The following MEI4 variants were observed in gnomAD, a reference collection of about 807,000 sequenced individuals.
MEI4 encodes the protein meiosis-specific protein MEI4.
Under a neutral mutation model 31.4 loss-of-function variants are expected in MEI4, and 27 were observed. The ratio of observed to expected loss-of-function variants is 0.86; its 90% CI spans 0.63 to 1.19. The LOEUF is 1.19. MEI4 is among the 50% of genes most tolerant of loss of function. The pLI is 0.00. For missense variants in MEI4, 329 were observed against 398.9 expected, an observed-to-expected ratio of 0.82 and a Z score of 1.49; for synonymous variants, 122 against 145.4, an observed-to-expected ratio of 0.84 and a Z score of 1.16.
intron 3 of MEI4, among the ~76,000 whole-genome samples, chr6:77,777,300 T>C (rs2127688883): frequency 6.6e-6 from 1 of 152,198 alleles, no homozygotes. Context: ...CTTAACACAG[T>C]ACAATCTGCA....
chr6:77,803,666 C>G (rs1769341483), intron 3 of MEI4, among the ~76,000 whole-genome samples: 1 of 152,110 alleles, frequency 6.6e-6, no homozygotes, highest in South Asian at 2.1e-4. Flanking sequence ...GATGTCCTTT[C>G]TGTTTGTTAG....
chr6:77,827,556 CATCCAAA>C (rs1769985620), intron 3 of MEI4, among the ~76,000 whole-genome samples: 2 of 151,988 alleles, frequency 1.3e-5, no homozygotes, highest in South Asian at 4.1e-4. Flanking sequence ...GCAGAACTCA[CATCCAAA>C]ATCCTAACTG....
chr6:77,702,911 A>G (rs1766256427), intron 2 of MEI4, among the ~76,000 whole-genome samples: 1 of 151,920 alleles, frequency 6.6e-6, no homozygotes, highest in South Asian at 2.1e-4. Flanking sequence ...GCTGTGTACT[A>G]TTCTTTCTTT....
intron 4 of MEI4, among the ~76,000 whole-genome samples, chr6:77,922,726 C>CT (rs1766733425): frequency 1.3e-5 from 2 of 151,572 alleles, no homozygotes; most frequent in Non-Finnish European, 1.5e-5. Flanking sequence ...AAAATAAGTA[C>CT]CATGAATTCA....
chr6:77,912,185 A>C (rs1241127045), intron 4 of MEI4, among the ~76,000 whole-genome samples: 1 of 152,004 alleles, frequency 6.6e-6, no homozygotes, highest in Non-Finnish European at 1.5e-5. Flanking sequence ...CAATTAGTCT[A>C]TGTTTGCTTT....
At chr6:77,870,766 C>T (rs1197815519) in intron 4 of MEI4, among the ~76,000 whole-genome samples, 1 of 152,056 alleles carries the variant, frequency 6.6e-6, no homozygotes, top group African/African-American at 2.4e-5. Context: ...TTTTTTACAG[C>T]GAAGAAATGA....
Position 77,690,821 on chromosome 6 carries a change from A to G in MEI4, c.150A>G (p.Lys50=). ...LSEEQSKWRS[K]VEILEAEVMQ... ...AGGAGCAGTCAAAATGGAGATCAAA[A>G]GTTGAAATCTTGGAAGCTGAAGTTA... The change falls in exon 2 of 5, where the codon AAA becomes AAG. Residue 50 remains lysine (K), a synonymous_variant. Coordinates refer to ENST00000684080, the MANE Select transcript of MEI4 (RefSeq NM_001322247.2). 1 of 1,231,650 alleles carries G rather than the reference A, an allele frequency of 8.1e-7. No homozygotes were observed. Among genetic ancestry groups the G allele is most frequent in the Non-Finnish European group, 1.0e-6 (1 of 987,472 alleles). 76.3% of individuals were successfully genotyped at this position (1,231,650 alleles called of 1,614,324 possible).
At chr6:77,732,770 T>G (rs144692841) in intron 2 of MEI4, among the ~76,000 whole-genome samples, 1 of 151,900 alleles carries the variant, frequency 6.6e-6, no homozygotes, top group Admixed American at 6.5e-5. Flanking sequence ...GGGTTTGCCA[T>G]AGATAGCTCT....
intron 2 of MEI4, among the ~76,000 whole-genome samples, chr6:77,713,005 G>A (rs1481920563): frequency 6.6e-6 from 1 of 151,814 alleles, no homozygotes; most frequent in Non-Finnish European, 1.5e-5. Flanking sequence ...TATTGATGGA[G>A]CATTAGGGTT....
chr6:77,740,798 G>A (rs751242147), intron 2 of MEI4, among the ~76,000 whole-genome samples: 50 of 151,408 alleles, frequency 3.3e-4, no homozygotes, highest in Non-Finnish European at 5.9e-4. Context: ...AAATAATGTT[G>A]AACATATATA....
chr6:77,806,436 T>C (rs1487697949), intron 3 of MEI4, among the ~76,000 whole-genome samples: 1 of 152,086 alleles, frequency 6.6e-6, no homozygotes, highest in Admixed American at 6.6e-5. Context: ...ATCTGTAATA[T>C]ATGATTGCCT....
intron 2 of MEI4, among the ~76,000 whole-genome samples, chr6:77,712,699 C>T (rs7752230): frequency 0.023 from 3,456 of 152,180 alleles, 134 homozygotes; most frequent in African/African-American, 0.078. Context: ...AGGCCGGGTG[C>T]GGTGGCTCAT....
chr6:77,800,236 T>A (rs1436272837), intron 3 of MEI4, among the ~76,000 whole-genome samples: 2 of 152,036 alleles, frequency 1.3e-5, no homozygotes, highest in African/African-American at 4.8e-5. Flanking sequence ...GATTCCTAGG[T>A]ATTTTATTCT....
intron 1 of MEI4, among the ~76,000 whole-genome samples, chr6:77,674,472 G>T (rs1373150720): frequency 1.3e-5 from 2 of 152,034 alleles, no homozygotes; most frequent in Admixed American, 1.3e-4. Context: ...TGTATGTTCA[G>T]ATCTACAAAT....
chr6:77,659,378 G>A (rs1562195054), intron 1 of MEI4, among the ~76,000 whole-genome samples: 1 of 151,988 alleles, frequency 6.6e-6, no homozygotes, highest in Non-Finnish European at 1.5e-5. Context: ...CCTTGTGTGA[G>A]GCAAAACTGG....
At chr6:77,809,094 A>C (rs1769510539) in intron 3 of MEI4, among the ~76,000 whole-genome samples, 1 of 152,242 alleles carries the variant, frequency 6.6e-6, no homozygotes, top group Non-Finnish European at 1.5e-5. Context: ...TGTCTACCAG[A>C]GGACAAGTTA....
At chr6:77,710,149 C>A (rs887415463) in intron 2 of MEI4, among the ~76,000 whole-genome samples, 1 of 152,194 alleles carries the variant, frequency 6.6e-6, no homozygotes, top group African/African-American at 2.4e-5. Flanking sequence ...CTTAGTTGTT[C>A]ATTTAACCTT....
chr6:77,705,737 A>G (rs1766316521), intron 2 of MEI4, among the ~76,000 whole-genome samples: 1 of 152,188 alleles, frequency 6.6e-6, no homozygotes, highest in African/African-American at 2.4e-5. Context: ...TTATATTACA[A>G]GTCAGTGGTG....
At chr6:77,872,679 A>G (rs914738367) in intron 4 of MEI4, among the ~76,000 whole-genome samples, 4 of 148,504 alleles carry the variant, frequency 2.7e-5, no homozygotes, top group Admixed American at 2.7e-4. Flanking sequence ...TGCTGCACCC[A>G]TTAACTCGTC....
Sources: gnomAD v4.1 joint callset for allele counts (sites outside exome capture counted in the v4.1 genomes callset) on GRCh38, gnomAD v4.1.1 for gene constraint, MANE v1.5 for transcripts, NCBI Gene and HGNC (gene_info 2026-07-23, HGNC 2026-07-21) for gene names.